The following PTPRD variants were observed in gnomAD, a reference collection of about 807,000 sequenced individuals.
PTPRD encodes receptor-type tyrosine-protein phosphatase delta.
PTPRD carries 34 observed loss-of-function variants against 214.5 expected under a neutral mutation model. The ratio of observed to expected loss-of-function variants is 0.16; its 90% confidence interval spans 0.12 to 0.21. The LOEUF is 0.21. PTPRD is among the 10% of genes least tolerant of loss of function. The pLI, the probability that PTPRD is intolerant of heterozygous loss-of-function variation, is 1.00. For synonymous variants in PTPRD, 1,128 were observed against 845.7 expected, an observed-to-expected ratio of 1.33 and a Z score of -5.79; for missense variants, 2,545 against 2,398.7, an observed-to-expected ratio of 1.06 and a Z score of -1.27.
At chr9:9,018,252 C>T (rs62531089) in intron 11 of PTPRD, among the ~76,000 whole-genome samples, 47,140 of 151,942 alleles carry the variant, frequency 0.31, 7,880 homozygotes, top group Non-Finnish European at 0.38. Flanking sequence ...TGGTTCCACA[C>T]GAGGTGGAGT....
intron 5 of PTPRD, among the ~76,000 whole-genome samples, chr9:9,810,248 A>G (rs534034328): frequency 5.1e-4 from 77 of 152,240 alleles, no homozygotes; most frequent in African/African-American, 1.8e-3. Context: ...ACTATACAAA[A>G]TATGTGTTAA....
At chr9:9,796,335 G>C (rs1041701912) in intron 5 of PTPRD, among the ~76,000 whole-genome samples, 1 of 152,126 alleles carries the variant, frequency 6.6e-6, no homozygotes, top group Non-Finnish European at 1.5e-5. Context: ...GTACTGAAAA[G>C]GATTCAAGGT....
chr9:9,350,354 C>T (rs2050642820), intron 9 of PTPRD, among the ~76,000 whole-genome samples: 1 of 151,970 alleles, frequency 6.6e-6, no homozygotes, highest in African/African-American at 2.4e-5. Context: ...AAATGTTATT[C>T]CTGGCTTTAT....
At chr9:9,202,769 G>A (rs190928377) in intron 9 of PTPRD, among the ~76,000 whole-genome samples, 4 of 152,204 alleles carry the variant, frequency 2.6e-5, no homozygotes, top group African/African-American at 9.6e-5. Context: ...GAACACAACT[G>A]TTCAGTTATG....
At chr9:8,535,096 T>C (rs1214142646) in intron 14 of PTPRD, among the ~76,000 whole-genome samples, 2 of 151,794 alleles carry the variant, frequency 1.3e-5, no homozygotes, top group Non-Finnish European at 2.9e-5. Context: ...ACCAAGCACA[T>C]ACACAGGAAG....
At chr9:9,483,486 A>T (rs1265170139) in intron 8 of PTPRD, among the ~76,000 whole-genome samples, 1 of 152,170 alleles carries the variant, frequency 6.6e-6, no homozygotes, top group African/African-American at 2.4e-5. Context: ...AGTAATAAAA[A>T]TACGGAAGTT....
chr9:9,683,900 T>C (rs947763137), intron 7 of PTPRD, among the ~76,000 whole-genome samples: 1 of 151,740 alleles, frequency 6.6e-6, no homozygotes, highest in African/African-American at 2.4e-5. Flanking sequence ...TCTAATTTTA[T>C]AGTAATTATA....
At chr9:9,299,858 A>C (rs1309209202) in intron 9 of PTPRD, among the ~76,000 whole-genome samples, 1 of 151,318 alleles carries the variant, frequency 6.6e-6, no homozygotes, top group African/African-American at 2.4e-5. Context: ...TGAGCAACAA[A>C]AACTTCTTAC....
chr9:10,483,767 A>G (rs1203966889), intron 2 of PTPRD, among the ~76,000 whole-genome samples: 1 of 152,170 alleles, frequency 6.6e-6, no homozygotes, highest in Admixed American at 6.5e-5. Flanking sequence ...TTAAAAAGTC[A>G]AAAAACAATA....
intron 11 of PTPRD, among the ~76,000 whole-genome samples, chr9:8,973,774 G>T (rs2099252774): frequency 6.6e-6 from 1 of 151,962 alleles, no homozygotes; most frequent in Admixed American, 6.6e-5. Flanking sequence ...ATGTGAAATG[G>T]CATCTCATTG....
chr9:8,903,567 G>C lies in PTPRD; in HGVS notation c.-104+115130C>G, dbSNP rs1363637322. ...ATTTTCAACAACAAGGATGAATGTT[G>C]TTGCACTGTAAGTAACAATTTTGAC... On this transcript the variant is annotated intron_variant, in intron 11 of 45. Coordinates refer to ENST00000381196, the MANE Select transcript of PTPRD (RefSeq NM_002839.4). Among the ~76,000 whole-genome samples the C allele has an allele frequency of 2.0e-5, 3 of 152,266 alleles. No individual in the cohort carries two copies. The South Asian group carries it at 6.2e-4, about 32-fold the overall frequency.
chr9:8,628,775 T>C (rs1235358394), intron 14 of PTPRD, among the ~76,000 whole-genome samples: 1 of 151,882 alleles, frequency 6.6e-6, no homozygotes, highest in Non-Finnish European at 1.5e-5. Flanking sequence ...CATTCACAAA[T>C]AATATATTTA....
intron 6 of PTPRD, among the ~76,000 whole-genome samples, chr9:9,745,803 A>G (rs1026720502): frequency 7.9e-5 from 12 of 152,126 alleles, no homozygotes; most frequent in African/African-American, 2.9e-4. Flanking sequence ...TGACCCCATC[A>G]CAGTGCTTTT....
intron 35 of PTPRD, among the ~76,000 whole-genome samples, chr9:8,434,634 T>C (rs2095266308): frequency 6.6e-6 from 1 of 152,032 alleles, no homozygotes; most frequent in Non-Finnish European, 1.5e-5. Context: ...TAACTTATAA[T>C]CAAAAATAAA....
At chr9:10,027,526 T>C (rs1343150657) in intron 4 of PTPRD, among the ~76,000 whole-genome samples, 1 of 152,176 alleles carries the variant, frequency 6.6e-6, no homozygotes, top group Non-Finnish European at 1.5e-5. Context: ...AAGCATGTCA[T>C]GTGTATTATA....
At chr9:10,402,399 C>A (rs1409665021) in intron 2 of PTPRD, among the ~76,000 whole-genome samples, 1 of 151,570 alleles carries the variant, frequency 6.6e-6, no homozygotes, top group African/African-American at 2.4e-5. Context: ...AACATTAATG[C>A]ATTTGGAAAT....
At chr9:9,827,715 C>G (rs936960132) in intron 5 of PTPRD, among the ~76,000 whole-genome samples, 1 of 152,054 alleles carries the variant, frequency 6.6e-6, no homozygotes, top group African/African-American at 2.4e-5. Flanking sequence ...TCAGAATGAA[C>G]AGAAAACCTA....
chr9:9,870,262 T>A (rs1402643596), intron 5 of PTPRD, among the ~76,000 whole-genome samples: 3 of 152,016 alleles, frequency 2.0e-5, no homozygotes, highest in Non-Finnish European at 4.4e-5. Flanking sequence ...ATTCAAAGAA[T>A]CTTGATATAA....
At chr9:10,225,546 T>C (rs1391931742) in intron 3 of PTPRD, among the ~76,000 whole-genome samples, 4 of 152,028 alleles carry the variant, frequency 2.6e-5, no homozygotes, top group Non-Finnish European at 5.9e-5. Context: ...GAAAATGAAA[T>C]ATTACCATGA....
Sources: gnomAD v4.1 joint callset for allele counts (sites outside exome capture counted in the v4.1 genomes callset) on GRCh38, gnomAD v4.1.1 for gene constraint, MANE v1.5 for transcripts, NCBI Gene and HGNC (gene_info 2026-07-23, HGNC 2026-07-21) for gene names.